ERC2: variants seen among roughly 807,000 people sequenced by gnomAD.
ERC2 encodes ERC protein 2.
A neutral mutation model predicts 114.8 loss-of-function variants in ERC2; 42 were observed. The ratio of observed to expected loss-of-function variants is 0.37; its 90% CI spans 0.29 to 0.47. The LOEUF is 0.47. Among genes scored for constraint, ERC2 ranks in the 20% least tolerant of loss-of-function variants. ERC2 has a pLI of 0.99. For synonymous variants in ERC2, 454 were observed against 425.5 expected, an observed-to-expected ratio of 1.07 and a Z score of -0.82; for missense variants, 939 against 1,150.7, an observed-to-expected ratio of 0.82 and a Z score of 2.66.
At chr3:55,946,815 C>A (rs2067152587) in intron 13 of ERC2, among the ~76,000 whole-genome samples, 1 of 152,178 alleles carries the variant, frequency 6.6e-6, no homozygotes, top group Non-Finnish European at 1.5e-5. Context: ...CAAGAACATT[C>A]CCTATTCCTG....
intron 14 of ERC2, among the ~76,000 whole-genome samples, chr3:55,856,871 A>C (rs1387732122): frequency 6.6e-6 from 1 of 152,262 alleles, no homozygotes; most frequent in Non-Finnish European, 1.5e-5. Flanking sequence ...TACAACATGC[A>C]GAAACCTTGA....
At chr3:56,065,986 A>G (rs922364486) in intron 7 of ERC2, among the ~76,000 whole-genome samples, 1 of 152,110 alleles carries the variant, frequency 6.6e-6, no homozygotes, top group African/African-American at 2.4e-5. Flanking sequence ...CTTTGCTATT[A>G]TGAATAGTAC....
intron 3 of ERC2, among the ~76,000 whole-genome samples, chr3:56,203,973 A>G (rs1407224544): frequency 6.6e-6 from 1 of 152,230 alleles, no homozygotes; most frequent in African/African-American, 2.4e-5. Flanking sequence ...CGAGGTCAGG[A>G]GTTCAAGACC....
intron 17 of ERC2, among the ~76,000 whole-genome samples, chr3:55,645,945 T>C (rs1042557846): frequency 6.6e-6 from 1 of 152,112 alleles, no homozygotes; most frequent in Non-Finnish European, 1.5e-5. Flanking sequence ...ATGTTGCACA[T>C]AGTGGCTGGT....
intron 13 of ERC2, among the ~76,000 whole-genome samples, chr3:55,891,406 G>A (rs1222449986): frequency 1.3e-5 from 2 of 150,392 alleles, no homozygotes; most frequent in African/African-American, 4.9e-5. Context: ...GCATAACCTG[G>A]CCTATCTTCA....
chr3:55,856,629 C>G (rs2061798200), intron 14 of ERC2, among the ~76,000 whole-genome samples: 1 of 152,134 alleles, frequency 6.6e-6, no homozygotes, highest in Non-Finnish European at 1.5e-5. Context: ...ATATGATACA[C>G]ACACATACGG....
At chr3:56,239,554 AT>A (rs1255615330) in intron 3 of ERC2, among the ~76,000 whole-genome samples, 1 of 152,176 alleles carries the variant, frequency 6.6e-6, no homozygotes, top group African/African-American at 2.4e-5. Flanking sequence ...AACGAAAGCC[AT>A]GCTAAAAGCA....
At chr3:55,994,552 A>G (rs1163472521) in intron 10 of ERC2, among the ~76,000 whole-genome samples, 1 of 145,956 alleles carries the variant, frequency 6.9e-6, no homozygotes, top group Non-Finnish European at 1.5e-5. Flanking sequence ...TATTATAATT[A>G]TTATTTCATA....
intron 7 of ERC2, among the ~76,000 whole-genome samples, chr3:56,071,170 C>A (rs1485675): frequency 0.77 from 117,085 of 152,186 alleles, 46,564 homozygotes; most frequent in East Asian, 0.9. Context: ...AGCTCATTAC[C>A]GATGCTGAAT....
intron 12 of ERC2, among the ~76,000 whole-genome samples, chr3:55,952,178 C>CTATATATATAT (rs1302030120): frequency 2.6e-4 from 11 of 41,782 alleles, no homozygotes; most frequent in African/African-American, 6.1e-4. Context: ...CACACACACA[C>CTATATATATAT]ACTCTCTCTC....
At chr3:55,673,354 G>A (rs1402500559) in intron 17 of ERC2, among the ~76,000 whole-genome samples, 1 of 152,196 alleles carries the variant, frequency 6.6e-6, no homozygotes. Flanking sequence ...GGAGGCCGAG[G>A]TGGGCAGATC....
At chr3:56,292,003 A>G (rs1056320225) in intron 3 of ERC2, among the ~76,000 whole-genome samples, 2 of 152,186 alleles carry the variant, frequency 1.3e-5, no homozygotes, top group African/African-American at 4.8e-5. Context: ...AATTAGAAGC[A>G]CTTTTTATTT....
chr3:55,874,283 C>T (rs1383647271), intron 14 of ERC2, among the ~76,000 whole-genome samples: 2 of 152,118 alleles, frequency 1.3e-5, no homozygotes, highest in African/African-American at 2.4e-5. Context: ...AAGAATAAGG[C>T]GGGGAGGCTT....
chr3:55,978,050 G>C (rs1332020121), intron 12 of ERC2, among the ~76,000 whole-genome samples: 6 of 152,176 alleles, frequency 3.9e-5, no homozygotes, highest in Non-Finnish European at 7.3e-5. Flanking sequence ...TGTAGTGCCA[G>C]TTACATCCCA....
chr3:55,729,590 C>T (rs1444568009), intron 15 of ERC2, among the ~76,000 whole-genome samples: 1 of 152,034 alleles, frequency 6.6e-6, no homozygotes, highest in Admixed American at 6.6e-5. Context: ...ACAATCCCCA[C>T]AATTTGGGAG....
At chr3:55,958,393 G>T (rs2068114553) in intron 12 of ERC2, among the ~76,000 whole-genome samples, 1 of 152,156 alleles carries the variant, frequency 6.6e-6, no homozygotes, top group Non-Finnish European at 1.5e-5. Flanking sequence ...CCATGGGCAG[G>T]CCCAGAAAAG....
chr3:55,757,668 G>C (rs1231139248), intron 14 of ERC2, among the ~76,000 whole-genome samples: 1 of 152,038 alleles, frequency 6.6e-6, no homozygotes, highest in African/African-American at 2.4e-5. Context: ...TTGACACATG[G>C]TAAGCATTCA....
intron 17 of ERC2, among the ~76,000 whole-genome samples, chr3:55,513,635 T>C (rs1041905178): frequency 2.6e-5 from 4 of 151,748 alleles, no homozygotes; most frequent in African/African-American, 7.3e-5. Context: ...TATATATATA[T>C]ACATATCTTT....
intron 7 of ERC2, among the ~76,000 whole-genome samples, chr3:56,027,604 TG>T (rs2074123342): frequency 6.6e-6 from 1 of 152,240 alleles, no homozygotes; most frequent in African/African-American, 2.4e-5. Context: ...GCTTATTTAC[TG>T]TCTGTAAGTC....
Sources: gnomAD v4.1 joint callset for allele counts (sites outside exome capture counted in the v4.1 genomes callset) on GRCh38, gnomAD v4.1.1 for gene constraint, MANE v1.5 for transcripts, NCBI Gene and HGNC (gene_info 2026-07-23, HGNC 2026-07-21) for gene names.